The following ADA2 variants were observed in gnomAD, a reference collection of about 807,000 sequenced individuals.
ADA2 encodes adenosine deaminase 2, also known as adenosine deaminase CECR1.
Under a neutral mutation model 44.2 loss-of-function variants are expected in ADA2, and 29 were observed. The ratio of observed to expected loss-of-function variants is 0.66; its 90% CI spans 0.49 to 0.89. The LOEUF is 0.89. Ranked by LOEUF, ADA2 falls within the 40% of genes least tolerant of loss-of-function variation. ADA2 has a pLI of 0.00. For missense variants in ADA2, 637 were observed against 644.8 expected (o/e 0.99, Z 0.13); for synonymous variants, 215 against 234.9 (o/e 0.92, Z 0.77).
At chr22:17,198,527 G>A (rs527813491) in intron 4 of ADA2, 1 of 152,358 alleles carries the variant, frequency 6.6e-6, no homozygotes, top group East Asian at 1.9e-4. Flanking sequence ...TTGAATGAAA[G>A]GTCTGCTAAG....
Position 17,181,421 on chromosome 22 carries a change from G to A in ADA2, c.*62C>T, listed in dbSNP as rs754448942. The A allele has an allele frequency of 1.0e-4, 113 of 1,087,422 alleles. No individual in the cohort carries two copies. The highest frequency in any genetic ancestry group is 1.3e-4 in the Non-Finnish European group (93 of 700,210). The allele number at this position is 1,087,422 out of a possible 1,614,324, so 67.4% of individuals were successfully genotyped here. Reference sequence around the variant, plus strand: ...GGGCACATGGAGCTGATTCAAGAACGAGTGAGAGGAAGTGACAGCGTGTGC... The same window carrying A: ...GGGCACATGGAGCTGATTCAAGAACAAGTGAGAGGAAGTGACAGCGTGTGC... On this transcript the variant is annotated 3_prime_UTR_variant, in exon 10 of 10. Coordinates refer to ENST00000399837, the MANE Select transcript of ADA2 (RefSeq NM_001282225.2).
At chr22:17,219,552 C>G (rs1387685449), upstream of ADA2, 1 of 151,794 alleles carries the variant, frequency 6.6e-6, no homozygotes, top group East Asian at 1.9e-4. Context: ...AAGTGTGTGG[C>G]TTACATGCAT....
At chr22:17,218,863 T>C (rs2062497568) in intron 1 of ADA2, among the ~76,000 whole-genome samples, 1 of 152,196 alleles carries the variant, frequency 6.6e-6, no homozygotes. Flanking sequence ...GCTTCCAGAC[T>C]AAGAAGAAAG....
chr22:17,188,860 G>A (rs2062074315), intron 6 of ADA2: 4 of 12,226 alleles, frequency 3.3e-4, no homozygotes, highest in Non-Finnish European at 4.9e-4. Flanking sequence ...GCCTGGCCAA[G>A]AGCAAAAAAT....
rs1568971729 is a variant in ADA2, at chr22:17,188,226, C to G, written c.1081+113G>C. ...TGTCAGGATTAAGTGAGATAGAGCACAGGAAAGGGCTCTGGAAACGCCTGT... is the reference window on the plus strand; with the variant it reads ...TGTCAGGATTAAGTGAGATAGAGCAGAGGAAAGGGCTCTGGAAACGCCTGT... On this transcript the variant is annotated intron_variant, in intron 7 of 9. Coordinates refer to ENST00000399837, the MANE Select transcript of ADA2 (RefSeq NM_001282225.2). The G allele has an allele frequency of 7.5e-6, 5 of 669,164 alleles. No homozygotes were observed. The East Asian group carries it at 1.3e-4, about 18-fold the overall frequency. The allele number at this position is 669,164 out of a possible 1,614,324, so 41.5% of individuals were successfully genotyped here. A position where few individuals can be genotyped will look rare whatever the true frequency, so the allele number is the denominator to read the frequency against.
chr22:17,214,893 C>A (rs1334562240), intron 1 of ADA2, among the ~76,000 whole-genome samples: 1 of 152,220 alleles, frequency 6.6e-6, no homozygotes, highest in East Asian at 1.9e-4. Context: ...GCCTGTCAAT[C>A]CTCAGCTGGG....
Position 17,189,931 on chromosome 22 carries a change from G to GCATGTTCACAA in ADA2, c.972+10_972+11insTTGTGAACATG. 1 of 1,601,706 alleles carries GCATGTTCACAA rather than the reference G, an allele frequency of 6.2e-7. No individual in the cohort carries two copies. ...TTAACAGGCAGCCCTTCTGTTCACA[G>GCATGTTCACAA]CATGGGTTACCAGGTCAAACCCTGC... is the stretch of plus-strand genomic sequence containing the variant. On this transcript the variant is annotated intron_variant, in intron 6 of 9. Coordinates refer to ENST00000399837, the MANE Select transcript of ADA2 (RefSeq NM_001282225.2).
intron 4 of ADA2, chr22:17,199,640 G>A: frequency 6.2e-7 from 1 of 1,613,690 alleles, no homozygotes; most frequent in Admixed American, 1.7e-5. Flanking sequence ...TTTGAGGTGG[G>A]CGTGGCTATT....
At chr22:17,205,580 A>G (rs1016932602) in intron 3 of ADA2, among the ~76,000 whole-genome samples, 7 of 152,188 alleles carry the variant, frequency 4.6e-5, no homozygotes, top group Non-Finnish European at 1.0e-4. Flanking sequence ...TAAGCTAATT[A>G]ACCTTGCTCA....
At chr22:17,183,662 A>G (rs927075500) in intron 7 of ADA2, among the ~76,000 whole-genome samples, 4 of 150,628 alleles carry the variant, frequency 2.7e-5, no homozygotes, top group Non-Finnish European at 3.0e-5. Flanking sequence ...GGGTTTCACC[A>G]TGTCGGCCAG....
intron 4 of ADA2, chr22:17,193,419 C>T (rs2062148692): frequency 2.6e-5 from 10 of 385,074 alleles, no homozygotes; most frequent in Middle Eastern, 8.4e-4. Flanking sequence ...GTAATCCCAG[C>T]ACTTTGGGCG....
intron 2 of ADA2, among the ~76,000 whole-genome samples, chr22:17,208,674 A>G (rs5994202): frequency 0.027 from 4,046 of 149,116 alleles, 172 homozygotes; most frequent in African/African-American, 0.093. Flanking sequence ...GTGGTGGTTC[A>G]TGCATGTAAT....
At chr22:17,189,826 G>A (rs2062092038) in intron 6 of ADA2, 116 bp downstream of exon 6, 1 of 713,386 alleles carries the variant, frequency 1.4e-6, no homozygotes, top group East Asian at 2.7e-5. Flanking sequence ...GCCCTGGGAT[G>A]TCAGGGTACC....
rs1227906560 is a variant in ADA2, at chr22:17,183,456, CT to C, written c.1082-696del. ...TTCCTTCTTCCTCTTTTGTGGCACT[CT>C]TTTTTTTTTTTTTTTTTTTTTGAGA... is the stretch of plus-strand genomic sequence containing the variant. On this transcript the variant is annotated intron_variant, in intron 7 of 9. Coordinates refer to ENST00000399837, the MANE Select transcript of ADA2 (RefSeq NM_001282225.2). Among the ~76,000 whole-genome samples, 428 of 77,444 alleles carry C rather than the reference CT, an allele frequency of 5.5e-3. 1 individual carries two copies. The highest frequency in any genetic ancestry group is 0.02 in the African/African-American group (373 of 18,726). The allele number at this position is 77,444 out of a possible 152,430, so 50.8% of individuals were successfully genotyped here. A position where few individuals can be genotyped will look rare whatever the true frequency, so the allele number is the denominator to read the frequency against.
At chr22:17,184,383 G>C (rs933355421) in intron 7 of ADA2, among the ~76,000 whole-genome samples, 27 of 152,074 alleles carry the variant, frequency 1.8e-4, no homozygotes, top group Non-Finnish European at 3.2e-4. Flanking sequence ...TATTTGTTGG[G>C]GAGCTTTGGG....
chr22:17,192,253 G>T (rs973379994), intron 4 of ADA2, among the ~76,000 whole-genome samples: 2 of 152,082 alleles, frequency 1.3e-5, no homozygotes, highest in African/African-American at 4.8e-5. Context: ...TCATTGCTGG[G>T]TCACTGCACT....
chr22:17,213,767 G>T (rs2062441832), intron 1 of ADA2: 1 of 249,832 alleles, frequency 4.0e-6, no homozygotes, highest in Admixed American at 5.2e-5. Context: ...GCCAGGCTTG[G>T]TGACTCACGC....
At chr22:17,204,545 G>A (rs557438267) in intron 3 of ADA2, among the ~76,000 whole-genome samples, 8 of 152,178 alleles carry the variant, frequency 5.3e-5, no homozygotes, top group African/African-American at 1.9e-4. Context: ...TGGAAGTGGA[G>A]GTTGTAGTGA....
chr22:17,221,432 C>T (rs9606657), upstream of ADA2, among the ~76,000 whole-genome samples: 17,756 of 151,986 alleles, frequency 0.12, 1,167 homozygotes, highest in African/African-American at 0.17. Flanking sequence ...TGCTATCCCT[C>T]CCCCAGCCCC....
Sources: gnomAD v4.1 joint callset for allele counts (sites outside exome capture counted in the v4.1 genomes callset) on GRCh38, gnomAD v4.1.1 for gene constraint, MANE v1.5 for transcripts, NCBI Gene and HGNC (gene_info 2026-07-23, HGNC 2026-07-21) for gene names.